Variants in PPP2R2C observed in about 807,000 individuals in gnomAD.
PPP2R2C encodes the protein protein phosphatase 2 regulatory subunit Bgamma.
A neutral mutation model predicts 45.3 loss-of-function variants in PPP2R2C; 10 were observed. The observed-to-expected ratio is 0.22, with a 90% CI of 0.14 to 0.37. The LOEUF is 0.37. PPP2R2C is among the 10% of genes least tolerant of loss of function. PPP2R2C has a pLI of 1.00. For synonymous variants in PPP2R2C, 257 were observed against 245.4 expected (o/e 1.05, Z -0.44); for missense variants, 308 against 619.7 (o/e 0.50, Z 5.34).
chr4:6,403,418 G>A (rs1000533211), intron 1 of PPP2R2C, among the ~76,000 whole-genome samples: 8 of 152,178 alleles, frequency 5.3e-5, no homozygotes, highest in Non-Finnish European at 1.0e-4. Context: ...AAAAGAAACC[G>A]AAATCGCACT....
chr4:6,399,947 G>T (rs988335903), intron 1 of PPP2R2C, among the ~76,000 whole-genome samples: 2 of 152,240 alleles, frequency 1.3e-5, no homozygotes, highest in Non-Finnish European at 2.9e-5. Context: ...GCCAGCCATG[G>T]CTGTGTTTCC....
At chr4:6,359,900 A>T (rs2109262091) in intron 5 of PPP2R2C, among the ~76,000 whole-genome samples, 1 of 152,364 alleles carries the variant, frequency 6.6e-6, no homozygotes, top group Admixed American at 6.5e-5. Flanking sequence ...AAGAAGCATC[A>T]CTGGTTGGTT....
rs1463989368 is a variant in PPP2R2C, at chr4:6,324,183, G to C, written c.1053-590C>G. Among the ~76,000 whole-genome samples, 1 of 152,106 alleles carries C rather than the reference G, an allele frequency of 6.6e-6. No homozygotes were observed. Among genetic ancestry groups the C allele is most frequent in the Non-Finnish European group, 1.5e-5 (1 of 68,020 alleles). ...GTGGTGGCTCACACCTGTAATCCCA[G>C]CACTTTGGGAAGCCAAGGCGGGCAG... On this transcript the variant is annotated intron_variant, in intron 8 of 8. Coordinates refer to ENST00000382599, the MANE Select transcript of PPP2R2C (RefSeq NM_020416.4). The surrounding 1 kb of genome is among the most constrained non-coding windows in gnomAD (Gnocchi z 4.1).
intron 1 of PPP2R2C, among the ~76,000 whole-genome samples, chr4:6,458,241 G>T (rs1168481159): frequency 6.6e-6 from 1 of 152,176 alleles, no homozygotes; most frequent in Non-Finnish European, 1.5e-5. Flanking sequence ...GCTCATCACT[G>T]GGAGTGGCTT....
chr4:6,541,169 G>A (rs1461456448), intron 1 of PPP2R2C, among the ~76,000 whole-genome samples: 1 of 152,128 alleles, frequency 6.6e-6, no homozygotes, highest in East Asian at 1.9e-4. Context: ...TTAGAACAGG[G>A]TCCCATGGCC....
chr4:6,366,015 T>C (rs1470576170), intron 5 of PPP2R2C, among the ~76,000 whole-genome samples: 1 of 152,202 alleles, frequency 6.6e-6, no homozygotes. Context: ...GAGAGGTTGC[T>C]TAAACAGACG....
chr4:6,422,429 T>C (rs760659560), intron 1 of PPP2R2C, among the ~76,000 whole-genome samples: 1 of 152,242 alleles, frequency 6.6e-6, no homozygotes, highest in Non-Finnish European at 1.5e-5. Context: ...GGGAAATACT[T>C]TGCTGCTAGA....
intron 1 of PPP2R2C, among the ~76,000 whole-genome samples, chr4:6,544,335 T>C (rs1724905826): frequency 6.6e-6 from 1 of 152,168 alleles, no homozygotes; most frequent in South Asian, 2.1e-4. Context: ...TTTCCTGGTT[T>C]ATTATCATTA....
chr4:6,358,208 C>A (rs984691504), intron 5 of PPP2R2C, among the ~76,000 whole-genome samples: 1 of 152,044 alleles, frequency 6.6e-6, no homozygotes, highest in African/African-American at 2.4e-5. Flanking sequence ...TGATCTTTGA[C>A]AAACCTGACA....
chr4:6,416,651 C>CCGATG (rs1718605187), intron 1 of PPP2R2C, among the ~76,000 whole-genome samples: 1 of 152,220 alleles, frequency 6.6e-6, no homozygotes, highest in African/African-American at 2.4e-5. Flanking sequence ...TGCAGCCACC[C>CCGATG]CGATGCGCTG....
At chr4:6,472,641 CGCT>C (rs1205548047), upstream of PPP2R2C, among the ~76,000 whole-genome samples, 3 of 147,632 alleles carry the variant, frequency 2.0e-5, no homozygotes, top group South Asian at 2.1e-4. Flanking sequence ...CCGCCGCCGC[CGCT>C]GTCGCAGGCC....
rs560964994 is a variant in PPP2R2C at position 6,425,323 on chromosome 4, G to A, written c.71-44229C>T. Among the ~76,000 whole-genome samples the A allele has an allele frequency of 8.5e-5, 13 of 152,282 alleles. No homozygotes were observed. The South Asian group carries it at 2.7e-3, about 32-fold the overall frequency. ...AAGAGCCCAATTGCTAGCCAAGCCT[G>A]GCTGTGCACCTCACCTGCTGTGTGT... On this transcript the variant is annotated intron_variant, in intron 1 of 8. Transcript: ENST00000382599.
At chr4:6,383,214 A>T in intron 1 of PPP2R2C, 2 of 1,192,410 alleles carry the variant, frequency 1.7e-6, no homozygotes, top group South Asian at 3.1e-5. Flanking sequence ...GAGGGGGAGG[A>T]GGAAGAGTGG....
At chr4:6,520,562 C>G (rs1455525740) in intron 2 of PPP2R2C, among the ~76,000 whole-genome samples, 1 of 152,224 alleles carries the variant, frequency 6.6e-6, no homozygotes, top group East Asian at 1.9e-4. Flanking sequence ...CAAAGCACAG[C>G]CCAAAACCAA....
chr4:6,387,879 C>T (rs745971791), intron 1 of PPP2R2C, among the ~76,000 whole-genome samples: 14 of 152,094 alleles, frequency 9.2e-5, no homozygotes, highest in Admixed American at 2.6e-4. Context: ...CCAGCACTTT[C>T]ATCTCAGAAC....
At chr4:6,546,499 G>A (rs1301283577) in intron 1 of PPP2R2C, among the ~76,000 whole-genome samples, 2 of 152,198 alleles carry the variant, frequency 1.3e-5, no homozygotes, top group Non-Finnish European at 2.9e-5. Context: ...TCAAGGCTCA[G>A]GGATGTGCAA....
intron 6 of PPP2R2C, among the ~76,000 whole-genome samples, chr4:6,334,778 G>A (rs1732712480): frequency 6.6e-6 from 1 of 152,220 alleles, no homozygotes; most frequent in Admixed American, 6.5e-5. Flanking sequence ...CCGGCTGAGT[G>A]GCAGCCTTGC....
At chr4:6,496,625 G>T (rs928647209) in intron 2 of PPP2R2C, among the ~76,000 whole-genome samples, 1 of 152,166 alleles carries the variant, frequency 6.6e-6, no homozygotes, top group Non-Finnish European at 1.5e-5. Context: ...ATTTTGAGAG[G>T]CTGAGGCGAG....
chr4:6,348,360 CCT>C (rs1577091054), intron 5 of PPP2R2C, among the ~76,000 whole-genome samples: 3 of 151,670 alleles, frequency 2.0e-5, no homozygotes, highest in African/African-American at 4.8e-5. Context: ...CCTTCCTTCC[CCT>C]GTTGGTTGCC....
Sources: gnomAD v4.1 joint callset for allele counts (sites outside exome capture counted in the v4.1 genomes callset) on GRCh38, gnomAD v4.1.1 for gene constraint, Gnocchi (gnomAD v3.1) non-coding constraint, MANE v1.5 for transcripts, NCBI Gene and HGNC (gene_info 2026-07-23, HGNC 2026-07-21) for gene names.